The following ZNF155 variants were observed in gnomAD, a reference collection of about 807,000 sequenced individuals.
ZNF155 encodes the protein KRAB A domain.
ZNF155 carries 15 observed loss-of-function variants against 11.9 expected under a neutral mutation model. The ratio of observed to expected loss-of-function variants is 1.26; its 90% confidence interval spans 0.84 to 1.94. The LOEUF (loss-of-function observed/expected upper bound fraction) is 1.94, where lower values mean the gene tolerates loss of function less well. Among genes scored for constraint, ZNF155 ranks in the 30% most tolerant of loss-of-function variants. ZNF155 has a pLI of 0.00. For missense variants in ZNF155, 602 were observed against 639.1 expected (o/e 0.94, Z 0.63); for synonymous variants, 212 against 219.9 (o/e 0.96, Z 0.32).
At chr19:43,994,694 G>A (rs956724853) in intron 4 of ZNF155, among the ~76,000 whole-genome samples, 5 of 152,210 alleles carry the variant, frequency 3.3e-5, no homozygotes, top group African/African-American at 1.2e-4. Flanking sequence ...AGAGTAGGAT[G>A]TGTTACATTC....
rs1366553983 is a variant in ZNF155, at chr19:43,984,248, A to G, written c.-86+3A>G. 6.6e-6 allele frequency: 1 copy of G among 151,932 alleles called. No individual in the cohort carries two copies. Among genetic ancestry groups the G allele is most frequent in the Non-Finnish European group, 1.5e-5 (1 of 68,036 alleles). The allele number at this position is 151,932 out of a possible 1,614,324, so 9.4% of individuals were successfully genotyped here. ...CTTAACAAGGTGGTTTGAGCCAAGTATGTGTCTTGCGGGTCTTTGCGAAAG... is the reference window on the plus strand; with the variant it reads ...CTTAACAAGGTGGTTTGAGCCAAGTGTGTGTCTTGCGGGTCTTTGCGAAAG... On this transcript the variant is annotated splice_donor_region_variant and intron_variant, in intron 1 of 4. Transcript: ENST00000270014.
chr19:43,985,358 G>T (rs1975399896), intron 1 of ZNF155, among the ~76,000 whole-genome samples: 1 of 152,012 alleles, frequency 6.6e-6, no homozygotes, highest in African/African-American at 2.4e-5. Context: ...ACCGCGCCGG[G>T]CCGGTTTTTT....
intron 1 of ZNF155, among the ~76,000 whole-genome samples, chr19:43,986,673 T>G (rs984526395): frequency 1.3e-5 from 2 of 151,994 alleles, no homozygotes; most frequent in African/African-American, 4.8e-5. Context: ...ATGGTCTCGA[T>G]CTCCTGACCT....
At chr19:43,989,984 A>G in intron 2 of ZNF155, 1 of 1,304,556 alleles carries the variant, frequency 7.7e-7, no homozygotes, top group South Asian at 1.6e-5. Context: ...TTTGTAATCA[A>G]ATAAGTGAGA....
At chr19:43,986,552 C>A (rs909019578) in intron 1 of ZNF155, among the ~76,000 whole-genome samples, 3 of 151,320 alleles carry the variant, frequency 2.0e-5, no homozygotes, top group Non-Finnish European at 4.4e-5. Context: ...CGGGTTCACA[C>A]CATTCTCCTG....
At chr19:43,985,538 T>TC (rs1555759988) in intron 1 of ZNF155, among the ~76,000 whole-genome samples, 3 of 108,338 alleles carry the variant, frequency 2.8e-5, no homozygotes, top group South Asian at 3.2e-4. Context: ...TTTTTCTTTT[T>TC]TTTTTTTTTT....
chr19:43,996,041 C>G, intron 4 of ZNF155, 52 bp from the exon 5 acceptor site: 1 of 1,516,516 alleles, frequency 6.6e-7, no homozygotes, highest in East Asian at 2.3e-5. Context: ...ACCTTGAGAT[C>G]ACTGAATAAA....
At chr19:43,991,329 A>G (rs916378492) in intron 2 of ZNF155, among the ~76,000 whole-genome samples, 2 of 152,196 alleles carry the variant, frequency 1.3e-5, no homozygotes, top group Non-Finnish European at 2.9e-5. Context: ...CACAGAATAA[A>G]TGTATGAGAC....
At chr19:43,990,172 A>C in intron 2 of ZNF155, 2 of 1,042,484 alleles carry the variant, frequency 1.9e-6, no homozygotes, top group Non-Finnish European at 2.7e-6. Context: ...AAATGTGCTT[A>C]TTTTTTGATG....
Position 43,997,290 on chromosome 19 carries a change from A to T in ZNF155, c.1433A>T (p.His478Leu), listed in dbSNP as rs1220157693. 1 of 1,614,164 alleles carries T rather than the reference A, an allele frequency of 6.2e-7. No homozygotes were observed. The highest frequency in any genetic ancestry group is 1.1e-5 in the South Asian group (1 of 91,086). ...AGTATTTTGAATCATAAGAGACTCC[A>T]CTGCCAGAAAAAACCATTCAAATGT... is the stretch of plus-strand genomic sequence containing the variant. The part of the protein sequence containing the change: ...ASSILNHKRL[H>L]CQKKPFKCED... The change falls in exon 5 of 5, where the codon CAC becomes CTC. Residue 478 changes from histidine (H) to leucine (L), a missense_variant. Transcript: ENST00000270014.
At position 43,988,566 on chromosome 19, in the gene ZNF155, G is replaced by T; in HGVS notation, c.15+8G>T. The T allele has an allele frequency of 4.4e-6, 7 of 1,600,252 alleles. No homozygotes were observed. The highest frequency in any genetic ancestry group is 6.0e-6 in the Non-Finnish European group (7 of 1,171,414). ...AAAATGACCACATTCAAGGTGAGGG[G>T]GGCGTGCCTCTCTCGCTGTTAAAAT... On this transcript the variant is annotated splice_region_variant and intron_variant, in intron 2 of 4. Coordinates refer to ENST00000270014, the MANE Select transcript of ZNF155 (RefSeq NM_198089.3).
chr19:43,997,035 TCCA>T lies in ZNF155; in HGVS notation c.1180_1182del (p.His394del). ...TCATGCCTTTTGAACCATCAGCGAG[TCCA>T]CAGTGGAGAAAAAAGCTTCAAATGT... On this transcript the variant is annotated inframe_deletion, in exon 5 of 5. Coordinates refer to ENST00000270014, the MANE Select transcript of ZNF155 (RefSeq NM_198089.3). 1 of 1,614,054 alleles carries T rather than the reference TCCA, an allele frequency of 6.2e-7. No homozygotes were observed. The highest frequency in any genetic ancestry group is 8.5e-7 in the Non-Finnish European group (1 of 1,180,016).
chr19:43,985,255 T>C (rs1368367385), intron 1 of ZNF155, among the ~76,000 whole-genome samples: 1 of 151,928 alleles, frequency 6.6e-6, no homozygotes, highest in East Asian at 1.9e-4. Context: ...GAGACGGGGT[T>C]TCACCATGTT....
chr19:43,993,972 G>C (rs1975749949), intron 4 of ZNF155, among the ~76,000 whole-genome samples: 1 of 152,150 alleles, frequency 6.6e-6, no homozygotes, highest in Non-Finnish European at 1.5e-5. Context: ...ATGTGTATGA[G>C]TGACTCTAGG....
chr19:43,991,057 A>G (rs1454677868), intron 2 of ZNF155, among the ~76,000 whole-genome samples: 3 of 152,222 alleles, frequency 2.0e-5, no homozygotes, highest in Non-Finnish European at 4.4e-5. Flanking sequence ...TTTATTCTTC[A>G]AAACTATACA....
At chr19:43,986,676 C>T (rs1975464904) in intron 1 of ZNF155, among the ~76,000 whole-genome samples, 1 of 152,098 alleles carries the variant, frequency 6.6e-6, no homozygotes, top group African/African-American at 2.4e-5. Context: ...GTCTCGATCT[C>T]CTGACCTTGT....
At chr19:43,994,645 G>A (rs1307525318) in intron 4 of ZNF155, among the ~76,000 whole-genome samples, 3 of 152,220 alleles carry the variant, frequency 2.0e-5, no homozygotes, top group Non-Finnish European at 4.4e-5. Flanking sequence ...GTCCAGATGA[G>A]AATAACCAAA....
rs142564587 is a variant in ZNF155 at position 43,989,661 on chromosome 19, G to A, written c.15+1103G>A. Among the ~76,000 whole-genome samples, 198 of 152,280 alleles carry A rather than the reference G, an allele frequency of 1.3e-3. 1 individual carries two copies. The highest frequency in any genetic ancestry group is 4.5e-3 in the African/African-American group (187 of 41,556). On this transcript the variant is annotated intron_variant, in intron 2 of 4. Coordinates refer to ENST00000270014, the MANE Select transcript of ZNF155 (RefSeq NM_198089.3). ...GCTCCTCCCTGTCCCTACTTGGTGT[G>A]ACTTCTTGTCACATGTCACTATGAC...
intron 4 of ZNF155, among the ~76,000 whole-genome samples, chr19:43,995,289 T>C (rs1975802715): frequency 6.6e-6 from 1 of 152,062 alleles, no homozygotes; most frequent in African/African-American, 2.4e-5. Context: ...TTTTTGTATT[T>C]TTAGCAGAGA....
Sources: gnomAD v4.1 joint callset for allele counts (sites outside exome capture counted in the v4.1 genomes callset) on GRCh38, gnomAD v4.1.1 for gene constraint, MANE v1.5 for transcripts, NCBI Gene and HGNC (gene_info 2026-07-23, HGNC 2026-07-21) for gene names.